The following FOLH1 variants were observed in gnomAD, a reference collection of about 807,000 sequenced individuals.
FOLH1 encodes glutamate carboxypeptidase 2.
In FOLH1, 54 loss-of-function variants were observed where a neutral mutation model predicts 93.9. The observed-to-expected ratio is 0.57, with a 90% CI of 0.46 to 0.72. The LOEUF (loss-of-function observed/expected upper bound fraction) is 0.72. Ranked by LOEUF, FOLH1 falls within the 30% of genes least tolerant of loss-of-function variation. The probability of loss-of-function intolerance (pLI) is 0.00; values close to 1 mark genes in which losing one functional copy is unlikely to be tolerated. For synonymous variants in FOLH1, 249 were observed against 303.6 expected, an observed-to-expected ratio of 0.82 and a Z score of 1.87; for missense variants, 571 against 892.5, an observed-to-expected ratio of 0.64 and a Z score of 4.59.
At chr11:49,185,563 G>C in intron 6 of FOLH1, 106 bp downstream of exon 6, 1 of 1,352,958 alleles carries the variant, frequency 7.4e-7, no homozygotes, top group Admixed American at 2.5e-5. Flanking sequence ...TAAATGCAAA[G>C]AGAATAAAAA....
At chr11:49,181,481 TTAA>T (rs1436411982) in intron 7 of FOLH1, among the ~76,000 whole-genome samples, 1 of 152,070 alleles carries the variant, frequency 6.6e-6, no homozygotes, top group East Asian at 1.9e-4. Context: ...TTTTCTTCAC[TTAA>T]TAATATAAGC....
In FOLH1 at chr11:49,183,180, T is replaced by C. The variant is rs199782232; in HGVS notation, c.889A>G (p.Ile297Val). The C allele has an allele frequency of 5.6e-6, 9 of 1,612,788 alleles. No homozygotes were observed. Among genetic ancestry groups the C allele is most frequent in the African/African-American group, 4.0e-5 (3 of 74,878 alleles). The change falls in exon 7 of 19, where the codon ATT becomes GTT. Residue 297 changes from isoleucine (I) to valine (V), a missense_variant. Around this residue, in one of 2 missense-constraint regions of FOLH1, gnomAD observed 500 missense variants for 822.9 expected, o/e 0.61. Transcript: ENST00000256999. ...VGLPSIPVHP[I>V]GYYDAQKLLE... is the part of the protein sequence containing the mutation. ...AGCTTCTGTGCATCATAGTATCCAA[T>C]TGGATGAACAGGAATACTTGGAAGA...
At chr11:49,199,327 C>T (rs1863019834) in intron 3 of FOLH1, among the ~76,000 whole-genome samples, 1 of 152,144 alleles carries the variant, frequency 6.6e-6, no homozygotes, top group Non-Finnish European at 1.5e-5. Context: ...GAACATACAT[C>T]ATAATAAATA....
At chr11:49,191,562 T>TCAAAGTC (rs1862050112) in intron 4 of FOLH1, among the ~76,000 whole-genome samples, 1 of 152,236 alleles carries the variant, frequency 6.6e-6, no homozygotes, top group African/African-American at 2.4e-5. Context: ...AATAGTAATG[T>TCAAAGTC]CAAAGTCCAA....
chr11:49,160,727 C>T (rs1204290455), intron 13 of FOLH1, among the ~76,000 whole-genome samples: 1 of 152,174 alleles, frequency 6.6e-6, no homozygotes, highest in Non-Finnish European at 1.5e-5. Context: ...CAGGTGTGAG[C>T]CACCACACCT....
At chr11:49,200,511 A>G in intron 2 of FOLH1, 70 bp from the exon 3 acceptor site, 10 of 1,540,612 alleles carry the variant, frequency 6.5e-6, no homozygotes, top group Non-Finnish European at 8.9e-6. Flanking sequence ...TCAACAAAGT[A>G]AAGCAGAGTT....
intron 9 of FOLH1, among the ~76,000 whole-genome samples, chr11:49,173,842 G>A (rs1859672950): frequency 6.6e-6 from 1 of 152,032 alleles, no homozygotes; most frequent in South Asian, 2.1e-4. Flanking sequence ...GGCCACATAG[G>A]AAGTTCTCCA....
At chr11:49,195,059 C>G (rs557729787) in intron 3 of FOLH1, among the ~76,000 whole-genome samples, 252 of 152,138 alleles carry the variant, frequency 1.7e-3, no homozygotes, top group African/African-American at 5.5e-3. Context: ...AATAAGCAAA[C>G]TCAAACTAAT....
chr11:49,167,359 T>C lies in FOLH1; in HGVS notation c.1372+1836A>G, dbSNP rs184620205. Among the ~76,000 whole-genome samples, 6 of 152,256 alleles carry C rather than the reference T, an allele frequency of 3.9e-5. 1 individual carries two copies. The highest frequency in any genetic ancestry group is 1.4e-4 in the African/African-American group (6 of 41,546). On this transcript the variant is annotated intron_variant, in intron 12 of 18. Coordinates refer to ENST00000256999, the MANE Select transcript of FOLH1 (RefSeq NM_004476.3). ...AACTGAGGCACAGAAAGTAAGTAGCTTGGGTCACACAAATAGGAAGTTGCA... is the reference window on the plus strand; with the variant it reads ...AACTGAGGCACAGAAAGTAAGTAGCCTGGGTCACACAAATAGGAAGTTGCA...
Position 49,208,443 on chromosome 11 carries a change from G to C in FOLH1, c.-34C>G. The C allele has an allele frequency of 6.7e-7, 1 of 1,490,148 alleles. No homozygotes were observed. Among genetic ancestry groups the C allele is most frequent in the Non-Finnish European group, 9.2e-7 (1 of 1,087,224 alleles). The allele number at this position is 1,490,148 out of a possible 1,614,324, so 92.3% of individuals were successfully genotyped here. ...GAGCAGAGCCGGCCTCCCGGGACCCGCGCCTGTGCTGCTGCTCTACTGCGC... is the reference window on the plus strand; with the variant it reads ...GAGCAGAGCCGGCCTCCCGGGACCCCCGCCTGTGCTGCTGCTCTACTGCGC... On this transcript the variant is annotated 5_prime_UTR_variant, in exon 1 of 19. Coordinates refer to ENST00000256999, the MANE Select transcript of FOLH1 (RefSeq NM_004476.3).
chr11:49,157,959 T>G lies in FOLH1; in HGVS notation c.1525A>C (p.Met509Leu), dbSNP rs1291631730. The change falls in exon 14 of 19, where the codon ATG (methionine) becomes CTG (leucine). Residue 509 changes from methionine to leucine, a missense_variant. Coordinates refer to ENST00000256999, the MANE Select transcript of FOLH1 (RefSeq NM_004476.3). ...CTTCATTCATTTGTTTACCTGGGCATGCCACTGAACTCTGGGGAAGGACTT... is the reference window on the plus strand; with the variant it reads ...CTTCATTCATTTGTTTACCTGGGCAGGCCACTGAACTCTGGGGAAGGACTT... ...KKSPSPEFSGMPRISKLGSGN... is the reference protein window; with the variant it reads ...KKSPSPEFSGLPRISKLGSGN... 6.3e-7 allele frequency: 1 copy of G among 1,585,598 alleles called. No individual in the cohort carries two copies. The highest frequency in any genetic ancestry group is 8.6e-7 in the Non-Finnish European group (1 of 1,164,182).
chr11:49,192,862 A>C lies in FOLH1; in HGVS notation c.444T>G (p.Pro148=). The change falls in exon 4 of 19, where the codon CCT becomes CCG. Residue 148 remains proline (P), a synonymous_variant. Transcript: ENST00000256999. The stretch of plus-strand genomic sequence containing the variant: ...TATCCGAAACATTTTCATATCCTGG[A>C]GGAGGTGGTTCAAATAATGATGTGT... The part of the protein sequence containing the change: ...IFNTSLFEPP[P]PGYENVSDIV... 6.2e-7 allele frequency: 1 copy of C among 1,601,984 alleles called. No homozygotes were observed. The highest frequency in any genetic ancestry group is 8.5e-7 in the Non-Finnish European group (1 of 1,173,870).
At chr11:49,157,015 T>C (rs537502963) in intron 14 of FOLH1, among the ~76,000 whole-genome samples, 2 of 152,286 alleles carry the variant, frequency 1.3e-5, no homozygotes, top group Non-Finnish European at 2.9e-5. Context: ...GGAATGACTA[T>C]TTTATGTCAC....
At chr11:49,180,675 G>A (rs906595187) in intron 7 of FOLH1, among the ~76,000 whole-genome samples, 10 of 152,120 alleles carry the variant, frequency 6.6e-5, no homozygotes, top group Admixed American at 5.2e-4. Flanking sequence ...CCCAAGGTAC[G>A]TGTGCCAAGA....
At chr11:49,163,193 G>A (rs1221405665) in intron 13 of FOLH1, among the ~76,000 whole-genome samples, 1 of 152,140 alleles carries the variant, frequency 6.6e-6, no homozygotes, top group African/African-American at 2.4e-5. Flanking sequence ...CACCCAAACA[G>A]CAAAGATGGT....
chr11:49,185,277 A>C (rs1451027502), intron 6 of FOLH1, among the ~76,000 whole-genome samples: 1 of 152,176 alleles, frequency 6.6e-6, no homozygotes, highest in Non-Finnish European at 1.5e-5. Flanking sequence ...TTGAGTAGAC[A>C]TAAGTCTGTT....
At chr11:49,154,575 A>T in intron 15 of FOLH1, 83 bp from the exon 16 acceptor site, 1 of 1,541,036 alleles carries the variant, frequency 6.5e-7, no homozygotes, top group South Asian at 1.3e-5. Context: ...TAGTATTAGT[A>T]AGATTGGTCA....
intron 10 of FOLH1, among the ~76,000 whole-genome samples, chr11:49,171,750 A>C (rs1859334277): frequency 6.6e-6 from 1 of 151,990 alleles, no homozygotes. Flanking sequence ...ATTAATCAAC[A>C]AGGGCTCAGT....
At chr11:49,192,026 A>G (rs1836948926) in intron 4 of FOLH1, among the ~76,000 whole-genome samples, 1 of 152,164 alleles carries the variant, frequency 6.6e-6, no homozygotes, top group Non-Finnish European at 1.5e-5. Flanking sequence ...TCAATTTCAC[A>G]CTTCACACTT....
Sources: allele counts gnomAD v4.1 joint callset (sites outside exome capture counted in the v4.1 genomes callset), GRCh38; gene constraint gnomAD v4.1.1; regional missense constraint gnomAD v4.1.1; transcripts MANE v1.5; gene names NCBI Gene and HGNC (gene_info 2026-07-23, HGNC 2026-07-21).